The following NR1D2 variants were observed in gnomAD, a reference collection of about 807,000 sequenced individuals.
NR1D2 encodes the protein nuclear receptor subfamily 1 group D member 2.
Under a neutral mutation model 52.2 loss-of-function variants are expected in NR1D2, and 25 were observed. That is an observed-to-expected ratio of 0.48 (90% confidence interval 0.35 to 0.67). NR1D2 has a LOEUF of 0.67. NR1D2 is among the 30% of genes least tolerant of loss of function. The pLI, the probability that NR1D2 is intolerant of heterozygous loss-of-function variation, is 0.01. For synonymous variants in NR1D2, 259 were observed against 230.1 expected (o/e 1.13, Z -1.14); for missense variants, 681 against 707.2 (o/e 0.96, Z 0.42).
At chr3:23,953,164 C>T (rs1464812194) in intron 1 of NR1D2, among the ~76,000 whole-genome samples, 5 of 151,060 alleles carry the variant, frequency 3.3e-5, no homozygotes, top group Non-Finnish European at 4.4e-5. Flanking sequence ...TGGTGAAACC[C>T]CATCTCTACT....
chr3:23,951,013 C>T (rs1403275735), intron 1 of NR1D2, among the ~76,000 whole-genome samples: 3 of 148,982 alleles, frequency 2.0e-5, no homozygotes, highest in African/African-American at 7.4e-5. Context: ...TCAAGTGATT[C>T]TCCTGTCTCA....
intron 5 of NR1D2, among the ~76,000 whole-genome samples, chr3:23,964,250 T>C (rs1485714070): frequency 6.6e-6 from 1 of 151,998 alleles, no homozygotes; most frequent in Non-Finnish European, 1.5e-5. Flanking sequence ...GCTAATTTTT[T>C]TAATTGTTGG....
intron 7 of NR1D2, among the ~76,000 whole-genome samples, chr3:23,970,518 T>G (rs1245832467): frequency 2.6e-5 from 4 of 152,184 alleles, no homozygotes; most frequent in Non-Finnish European, 5.9e-5. Flanking sequence ...ACTATTAATA[T>G]TGGGGAGTCT....
intron 7 of NR1D2, among the ~76,000 whole-genome samples, chr3:23,968,619 T>A (rs1287702051): frequency 6.6e-6 from 1 of 152,196 alleles, no homozygotes; most frequent in African/African-American, 2.4e-5. Flanking sequence ...TCAGTCACTG[T>A]TTGAATGAGT....
At chr3:23,947,714 C>T (rs558522992) in intron 1 of NR1D2, among the ~76,000 whole-genome samples, 13 of 152,330 alleles carry the variant, frequency 8.5e-5, no homozygotes, top group African/African-American at 2.9e-4. Context: ...AATGACCATT[C>T]TTAAAATTTC....
rs775931055 is a variant in NR1D2 at position 23,977,364 on chromosome 3, G to A, written c.1685G>A (p.Arg562Gln). 3.7e-6 allele frequency: 6 copies of A among 1,613,260 alleles called. No individual in the cohort carries two copies. In the Admixed American group the frequency reaches 6.7e-5, roughly 18 times the overall value. ...TKLLLKLPDL[R>Q]SLNNMHSEEL... ...CTGCTTCTAAAGTTGCCAGATCTTC[G>A]ATCTTTAAACAACATGCACTCTGAG... The change falls in exon 8 of 8, where the codon CGA becomes CAA. Residue 562 changes from arginine to glutamine, a missense_variant. Transcript: ENST00000312521.
chr3:23,946,088 T>TG, intron 1 of NR1D2: 1 of 984,280 alleles, frequency 1.0e-6, no homozygotes. Flanking sequence ...TCCGCCCCTT[T>TG]GGAAGCCTCG....
chr3:23,962,061 G>T lies in NR1D2; in HGVS notation c.602G>T (p.Ser201Ile), dbSNP rs1397599476. Residue 201 changes from serine to isoleucine, a missense_variant, in exon 5 of 8, where the codon AGC becomes ATC. By Grantham distance (142) the Ser-to-Ile change is moderately radical. Around this residue, in one of 3 missense-constraint regions of NR1D2, gnomAD observed 112 missense variants for 162.3 expected, o/e 0.69. Coordinates refer to ENST00000312521, the MANE Select transcript of NR1D2 (RefSeq NM_005126.5). The stretch of plus-strand genomic sequence containing the variant: ...AGTGCAATGAAGACCATGATGAACA[G>T]CCAGTTCAGTGGTCACTTGCAAAAT... ...MQSAMKTMMNSQFSGHLQNDT... is the reference protein window; with the variant it reads ...MQSAMKTMMNIQFSGHLQNDT... The T allele has an allele frequency of 6.2e-7, 1 of 1,614,046 alleles. No individual in the cohort carries two copies. Among genetic ancestry groups the T allele is most frequent in the Non-Finnish European group, 8.5e-7 (1 of 1,180,016 alleles).
intron 1 of NR1D2, among the ~76,000 whole-genome samples, chr3:23,945,840 G>A (rs1448228033): frequency 1.3e-5 from 2 of 150,670 alleles, no homozygotes; most frequent in Non-Finnish European, 3.0e-5. Flanking sequence ...CCCCTCACAT[G>A]GCCCGGCCGC....
intron 7 of NR1D2, among the ~76,000 whole-genome samples, chr3:23,977,012 G>GT (rs55792500): frequency 0.72 from 109,671 of 152,054 alleles, 39,914 homozygotes; most frequent in Middle Eastern, 0.8. Context: ...TTGATCAAAT[G>GT]TTTTATGTGA....
chr3:23,945,733 C>T (rs1388313018), intron 1 of NR1D2, 139 bp downstream of exon 1: 17 of 584,688 alleles, frequency 2.9e-5, no homozygotes, highest in Non-Finnish European at 3.7e-5. Context: ...GTGTCCGCCT[C>T]TGGCTCGGTT....
chr3:23,972,653 C>G (rs1706620952), intron 7 of NR1D2, among the ~76,000 whole-genome samples: 1 of 152,114 alleles, frequency 6.6e-6, no homozygotes. Flanking sequence ...GTGAGGAGTA[C>G]AAGCTTGGGA....
In NR1D2 at chr3:23,945,509, T is replaced by TGAG. The variant is rs2125275325; in HGVS notation, c.-68_-66dup. The TGAG allele has an allele frequency of 4.3e-6, 4 of 932,504 alleles. No individual in the cohort carries two copies. The South Asian group carries it at 2.1e-4, about 50-fold the overall frequency. 57.8% of individuals were successfully genotyped at this position (932,504 alleles called of 1,614,324 possible). On this transcript the variant is annotated 5_prime_UTR_variant, in exon 1 of 8. Transcript: ENST00000312521. ...CTTCCAGCCCGGGGCGGCGCGGCGC[T>TGAG]GAGGCGGCGGCGGCGGCGCTGCCCC...
rs1559339795 is a variant in NR1D2 at position 23,977,263 on chromosome 3, G to T, written c.1584G>T (p.Leu528Phe). The T allele has an allele frequency of 6.2e-7, 1 of 1,609,224 alleles. No homozygotes were observed. Among genetic ancestry groups the T allele is most frequent in the South Asian group, 1.1e-5 (1 of 90,354 alleles). ...AAAACGTCAACTCTGTGGAGGCTTT[G>T]CAGGAAACTCTCATTCGTGCACTAA... The part of the protein sequence containing the change: ...GIENVNSVEA[L>F]QETLIRALRT... The change falls in exon 8 of 8, where the codon TTG becomes TTT. Residue 528 changes from leucine (L) to phenylalanine (F), a missense_variant. Physicochemically the swap from Leu to Phe is conservative, Grantham distance 22. This residue lies in a region of NR1D2 where 475 missense variants were observed against 454.5 expected (regional missense o/e 1.05). Transcript: ENST00000312521.
chr3:23,975,819 T>C (rs942794565), intron 7 of NR1D2, among the ~76,000 whole-genome samples: 1 of 152,172 alleles, frequency 6.6e-6, no homozygotes, highest in Non-Finnish European at 1.5e-5. Context: ...CAAATTTTTC[T>C]TTTTTTGCCC....
chr3:23,969,905 A>G (rs7431301), intron 7 of NR1D2, among the ~76,000 whole-genome samples: 119,282 of 152,100 alleles, frequency 0.78, 47,544 homozygotes, highest in African/African-American at 0.9. Flanking sequence ...GAAAGGCATG[A>G]GAGAGTACGA....
chr3:23,945,582 G>A lies in NR1D2; in HGVS notation c.4G>A (p.Glu2Lys). 8.5e-7 allele frequency: 1 copy of A among 1,173,714 alleles called. No individual in the cohort carries two copies. The highest frequency in any genetic ancestry group is 4.2e-5 in the South Asian group (1 of 23,888). 72.7% of individuals were successfully genotyped at this position (1,173,714 alleles called of 1,614,324 possible). Residue 2 changes from glutamate (E) to lysine (K), a missense_variant, in exon 1 of 8, where the codon GAG becomes AAG. Physicochemically the swap from Glu to Lys is moderately conservative, Grantham distance 56 (BLOSUM62 1). Coordinates refer to ENST00000312521, the MANE Select transcript of NR1D2 (RefSeq NM_005126.5). The stretch of plus-strand genomic sequence containing the variant: ...CGGCCGCCTCCGCGAGGGCACCATG[G>A]AGGTGAATGCAGGTAAGAACCGGAC... M[E>K]VNAGGVIAYI... is the part of the protein sequence containing the mutation.
chr3:23,951,185 G>T (rs986884499), intron 1 of NR1D2, among the ~76,000 whole-genome samples: 3 of 152,090 alleles, frequency 2.0e-5, no homozygotes, highest in Non-Finnish European at 4.4e-5. Context: ...GGTTACAGGC[G>T]TGAGCCACTG....
At position 23,977,157 on chromosome 3, in the gene NR1D2, T is replaced by C. The variant is rs1263180794; in HGVS notation, c.1544-66T>C. The C allele has an allele frequency of 3.3e-6, 3 of 922,468 alleles. No individual in the cohort carries two copies. The East Asian group carries it at 8.9e-5, about 27-fold the overall frequency. 57.1% of individuals were successfully genotyped at this position (922,468 alleles called of 1,614,324 possible). A position where few individuals can be genotyped will look rare whatever the true frequency, so the allele number is the denominator to read the frequency against. On this transcript the variant is annotated intron_variant, in intron 7 of 7. Coordinates refer to ENST00000312521, the MANE Select transcript of NR1D2 (RefSeq NM_005126.5). ...TTAGTGACACTGATAAGCAAGAATT[T>C]TATTTATATTTAATGTTAATAATTT...
Sources: allele counts gnomAD v4.1 joint callset (sites outside exome capture counted in the v4.1 genomes callset), GRCh38; gene constraint gnomAD v4.1.1; regional missense constraint gnomAD v4.1.1; transcripts MANE v1.5; gene names NCBI Gene and HGNC (gene_info 2026-07-23, HGNC 2026-07-21).